Variants in BRAF observed in about 807,000 individuals in gnomAD.
BRAF encodes B-Raf proto-oncogene, serine/threonine kinase, also known as serine/threonine-protein kinase B-raf.
A neutral mutation model predicts 104.6 loss-of-function variants in BRAF; 16 were observed. That is an observed-to-expected ratio of 0.15 (90% CI 0.10 to 0.23). BRAF has a LOEUF of 0.23. Ranked by LOEUF, BRAF falls within the 10% of genes least tolerant of loss-of-function variation. The probability of loss-of-function intolerance (pLI) is 1.00; values close to 1 mark genes in which losing one functional copy is unlikely to be tolerated. For synonymous variants in BRAF, 310 were observed against 341.6 expected (o/e 0.91, Z 1.02); for missense variants, 541 against 937.3 (o/e 0.58, Z 5.52).
chr7:140,771,483 C>T (rs1044272954), intron 14 of BRAF, among the ~76,000 whole-genome samples: 2 of 152,076 alleles, frequency 1.3e-5, no homozygotes, highest in Non-Finnish European at 2.9e-5. Flanking sequence ...TGTGAGCCAC[C>T]GTGTCCAGAC....
chr7:140,839,442 A>G (rs1217575753), intron 2 of BRAF, among the ~76,000 whole-genome samples: 3 of 152,062 alleles, frequency 2.0e-5, no homozygotes, highest in African/African-American at 7.2e-5. Context: ...TAGAAATGCA[A>G]TTATATGCCA....
downstream of BRAF, chr7:140,719,322 C>G (rs1795211739): frequency 3.2e-6 from 3 of 950,960 alleles, no homozygotes; most frequent in Non-Finnish European, 3.8e-6. Flanking sequence ...GAAAAATAGT[C>G]TTGATGAAGA....
At chr7:140,913,098 T>C (rs1406210404) in intron 1 of BRAF, among the ~76,000 whole-genome samples, 1 of 152,210 alleles carries the variant, frequency 6.6e-6, no homozygotes, top group Non-Finnish European at 1.5e-5. Flanking sequence ...CCTTCTCAAG[T>C]GAGGCCTACC....
downstream of BRAF, among the ~76,000 whole-genome samples, chr7:140,717,233 T>C (rs1298371993): frequency 6.6e-6 from 1 of 152,202 alleles, no homozygotes; most frequent in East Asian, 1.9e-4. Flanking sequence ...TAGCGAGTCA[T>C]ATCCTTTGGG....
At chr7:140,785,899 T>C (rs1801305768) in intron 9 of BRAF, 1 of 396,846 alleles carries the variant, frequency 2.5e-6, no homozygotes, top group Non-Finnish European at 4.4e-6. Flanking sequence ...ACAAGATGAA[T>C]TGAAGCCTGT....
intron 2 of BRAF, among the ~76,000 whole-genome samples, chr7:140,840,501 G>A (rs1807831804): frequency 6.6e-6 from 1 of 151,916 alleles, no homozygotes; most frequent in African/African-American, 2.4e-5. Flanking sequence ...AATATATAAA[G>A]AACTCCTGGC....
chr7:140,881,573 C>T (rs1245450197), intron 1 of BRAF, among the ~76,000 whole-genome samples: 1 of 152,176 alleles, frequency 6.6e-6, no homozygotes, highest in Non-Finnish European at 1.5e-5. Context: ...CGTGTATTCA[C>T]TGGAGTAGCA....
rs1053968196 is a variant in BRAF, at chr7:140,893,819, G to GA, written c.138+30746dup. Among the ~76,000 whole-genome samples, 5 of 152,018 alleles carry GA rather than the reference G, an allele frequency of 3.3e-5. No individual in the cohort carries two copies. In the South Asian group the frequency reaches 6.2e-4, roughly 19 times the overall value. On this transcript the variant is annotated intron_variant, in intron 1 of 19. Coordinates refer to ENST00000644969, the MANE Select transcript of BRAF (RefSeq NM_001374258.1). ...TATCACTATCAAATGCATTTTAGGG[G>GA]AAAAAAATGACTGAAAAAACAAAAT...
chr7:140,870,704 C>T (rs1811479519), intron 1 of BRAF, among the ~76,000 whole-genome samples: 1 of 151,242 alleles, frequency 6.6e-6, no homozygotes, highest in Non-Finnish European at 1.5e-5. Context: ...AACACTAAAG[C>T]AAAAGAGGAA....
At chr7:140,766,482 C>T (rs1290486277) in intron 14 of BRAF, among the ~76,000 whole-genome samples, 3 of 150,914 alleles carry the variant, frequency 2.0e-5, no homozygotes, top group Non-Finnish European at 4.4e-5. Flanking sequence ...AATAAACATA[C>T]AGAAAAATGG....
chr7:140,738,475 T>C (rs1392967531), intron 18 of BRAF, among the ~76,000 whole-genome samples: 3 of 152,190 alleles, frequency 2.0e-5, no homozygotes, highest in African/African-American at 4.8e-5. Flanking sequence ...GAAATAGCAC[T>C]TCCCACTTGA....
intron 7 of BRAF, 85 bp from the exon 8 acceptor site, chr7:140,794,552 T>C: frequency 2.7e-6 from 4 of 1,469,914 alleles, no homozygotes; most frequent in Non-Finnish European, 3.8e-6. Flanking sequence ...AAAAGGATTT[T>C]CTTGTTTTTA....
chr7:140,783,129 G>A lies in BRAF; in HGVS notation c.1326C>T (p.Pro442=), dbSNP rs201758035. The part of the protein sequence containing the change: ...RGSTTGLSAT[P]PASLPGSLTN... The stretch of plus-strand genomic sequence containing the variant: ...TTAGTGAGCCAGGTAATGAGGCAGG[G>A]GGGGTAGCAGACAAACCTGTGGTTG... Residue 442 remains proline (P), a synonymous_variant, in exon 11 of 20, where the codon CCC becomes CCT. Coordinates refer to ENST00000644969, the MANE Select transcript of BRAF (RefSeq NM_001374258.1). 2.3e-5 allele frequency: 37 copies of A among 1,613,932 alleles called. No homozygotes were observed. Among genetic ancestry groups the A allele is most frequent in the Non-Finnish European group, 2.9e-5 (34 of 1,180,000 alleles).
rs533862694 is a variant in BRAF at position 140,910,409 on chromosome 7, C to T, written c.138+14157G>A. ...TCTGTTATCCACTTTGGTGGTTAAT[C>T]ACGTGCTGCCATATGCATGCTTTGT... On this transcript the variant is annotated intron_variant, in intron 1 of 19. Transcript: ENST00000644969. Among the ~76,000 whole-genome samples the T allele has an allele frequency of 2.0e-4, 30 of 152,296 alleles. No homozygotes were observed. In the South Asian group the frequency reaches 5.6e-3, roughly 28 times the overall value.
chr7:140,729,062 C>CAAA lies in BRAF; in HGVS notation c.2402-2549_2402-2547dup, dbSNP rs764302395. On this transcript the variant is annotated intron_variant, in intron 19 of 19. Coordinates refer to ENST00000644969, the MANE Select transcript of BRAF (RefSeq NM_001374258.1). ...GCAACATAGTGAGACGCTGTCTCTCCAAAAAAAAAAAAAAAAAAAAATCAG... is the reference window on the plus strand; with the variant it reads ...GCAACATAGTGAGACGCTGTCTCTCCAAAAAAAAAAAAAAAAAAAAAAAATCAG... 6.1e-5 allele frequency among the ~76,000 whole-genome samples: 4 copies of CAAA among 65,892 alleles called. No individual in the cohort carries two copies. In the East Asian group the frequency reaches 1.3e-3, roughly 22 times the overall value. The allele number at this position is 65,892 out of a possible 152,430, so 43.2% of individuals were successfully genotyped here.
chr7:140,851,694 T>A lies in BRAF; in HGVS notation c.139-1482A>T, dbSNP rs892058203. Among the ~76,000 whole-genome samples, 17 of 152,176 alleles carry A rather than the reference T, an allele frequency of 1.1e-4. 2 individuals carry two copies. Among genetic ancestry groups the A allele is most frequent in the Admixed American group, 1.1e-3 (17 of 15,270 alleles). On this transcript the variant is annotated intron_variant, in intron 1 of 19. Transcript: ENST00000644969. ...AGAAATGTATCAAGTCAAGTCCCTA[T>A]CTGCAGGGTATAAGTCCACTCTTCC...
intron 19 of BRAF, among the ~76,000 whole-genome samples, chr7:140,729,364 G>C (rs1302170476): frequency 6.6e-6 from 1 of 152,182 alleles, no homozygotes; most frequent in African/African-American, 2.4e-5. Context: ...ATAAAAACCA[G>C]GCCGGCGAGG....
At position 140,720,942 on chromosome 7, in the gene BRAF, C is replaced by A; in HGVS notation, c.*5552G>T. The A allele has an allele frequency of 2.8e-6, 3 of 1,065,546 alleles. No individual in the cohort carries two copies. The highest frequency in any genetic ancestry group is 3.4e-6 in the Non-Finnish European group (3 of 879,426). The allele number at this position is 1,065,546 out of a possible 1,614,324, so 66.0% of individuals were successfully genotyped here. ...CCCGCATATGTGCTGTACATGAGAACCAGCGGTCACGGTGCTGGAGAATGA... is the reference window on the plus strand; with the variant it reads ...CCCGCATATGTGCTGTACATGAGAAACAGCGGTCACGGTGCTGGAGAATGA... On this transcript the variant is annotated 3_prime_UTR_variant, in exon 20 of 20. Coordinates refer to ENST00000644969, the MANE Select transcript of BRAF (RefSeq NM_001374258.1).
chr7:140,776,560 A>C (rs773364384), intron 14 of BRAF, among the ~76,000 whole-genome samples: 6 of 152,206 alleles, frequency 3.9e-5, no homozygotes, highest in African/African-American at 9.6e-5. Flanking sequence ...AACTGATTTG[A>C]AAAAGTAACT....
Sources: allele counts gnomAD v4.1 joint callset (sites outside exome capture counted in the v4.1 genomes callset), GRCh38; gene constraint gnomAD v4.1.1; transcripts MANE v1.5; gene names NCBI Gene and HGNC (gene_info 2026-07-23, HGNC 2026-07-21).